Variants in PHC2 observed in about 807,000 individuals in gnomAD.
PHC2 encodes polyhomeotic homolog 2, also known as polyhomeotic-like protein 2.
PHC2 carries 29 observed loss-of-function variants against 87.4 expected under a neutral mutation model. The observed-to-expected ratio is 0.33, with a 90% CI of 0.25 to 0.45. The LOEUF (loss-of-function observed/expected upper bound fraction) is 0.45, where lower values mean the gene tolerates loss of function less well. Ranked by LOEUF, PHC2 falls within the 20% of genes least tolerant of loss-of-function variation. PHC2 has a pLI of 1.00. For missense variants in PHC2, 857 were observed against 1,136.7 expected, an observed-to-expected ratio of 0.75 and a Z score of 3.54; for synonymous variants, 438 against 461.7, an observed-to-expected ratio of 0.95 and a Z score of 0.66.
intron 2 of PHC2, 70 bp from the exon 3 acceptor site, chr1:33,372,517 C>G: frequency 7.3e-7 from 1 of 1,360,856 alleles, no homozygotes; most frequent in East Asian, 2.7e-5. Context: ...GGCAGTAATG[C>G]CTTGCCCACC....
intron 9 of PHC2, among the ~76,000 whole-genome samples, chr1:33,352,169 A>G (rs574080657): frequency 1.1e-4 from 17 of 152,312 alleles, no homozygotes; most frequent in African/African-American, 3.8e-4. Flanking sequence ...GGGTTTCTGG[A>G]TTACAAACAC....
At chr1:33,400,068 A>G (rs1189327523) in intron 1 of PHC2, among the ~76,000 whole-genome samples, 1 of 152,224 alleles carries the variant, frequency 6.6e-6, no homozygotes, top group Non-Finnish European at 1.5e-5. Flanking sequence ...AAGGATGTTT[A>G]ATCTCATTCA....
At chr1:33,419,014 T>C (rs1650321107) in intron 1 of PHC2, among the ~76,000 whole-genome samples, 1 of 152,220 alleles carries the variant, frequency 6.6e-6, no homozygotes, top group Non-Finnish European at 1.5e-5. Flanking sequence ...GGCCCCATTA[T>C]TTACTAACTG....
Position 33,358,649 on chromosome 1 carries a change from G to A in PHC2, c.977-3396C>T, listed in dbSNP as rs145507496. ...CAGATCTGATCTCTCACTAAAAACCGCCAGGGACTCTCCTTTGTCTACGGT... is the reference window on the plus strand; with the variant it reads ...CAGATCTGATCTCTCACTAAAAACCACCAGGGACTCTCCTTTGTCTACGGT... On this transcript the variant is annotated intron_variant, in intron 7 of 14. Coordinates refer to ENST00000683057, the MANE Select transcript of PHC2 (RefSeq NM_001385109.1). Among the ~76,000 whole-genome samples the A allele has an allele frequency of 4.6e-3, 705 of 152,218 alleles. 2 individuals carry two copies. Among genetic ancestry groups the A allele is most frequent in the African/African-American group, 0.016 (677 of 41,530 alleles).
intron 1 of PHC2, among the ~76,000 whole-genome samples, chr1:33,430,377 C>A (rs1557851921): frequency 6.6e-6 from 1 of 152,222 alleles, no homozygotes; most frequent in Non-Finnish European, 1.5e-5. Context: ...CAGCAACCCC[C>A]GGTTCCCTCT....
Position 33,417,748 on chromosome 1 carries a change from A to G in PHC2, c.-55+13228T>C, listed in dbSNP as rs115936554. On this transcript the variant is annotated intron_variant, in intron 1 of 14. Coordinates refer to ENST00000683057, the MANE Select transcript of PHC2 (RefSeq NM_001385109.1). ...TAGATGTAAAAATTAATACATATAT[A>G]AAAGACTTGAACAACACTACAAACC... Among the ~76,000 whole-genome samples the G allele has an allele frequency of 7.6e-3, 1,156 of 152,264 alleles. 12 individuals are homozygous for G. The highest frequency in any genetic ancestry group is 0.027 in the African/African-American group (1,109 of 41,588).
chr1:33,406,049 C>A (rs1649750088), intron 1 of PHC2, among the ~76,000 whole-genome samples: 1 of 152,034 alleles, frequency 6.6e-6, no homozygotes, highest in Non-Finnish European at 1.5e-5. Context: ...CTTACTGGGG[C>A]TTTTTGTCTG....
chr1:33,370,603 T>G lies in PHC2; in HGVS notation c.412-18A>C, dbSNP rs1205881989. ...AGGTTGATCTAATGAGAGAGACATG[T>G]GCGGTAGGAGATAGGAGGTTCTGTT... On this transcript the variant is annotated intron_variant, in intron 4 of 14. Transcript: ENST00000683057. 6.2e-7 allele frequency: 1 copy of G among 1,604,934 alleles called. No homozygotes were observed. Among genetic ancestry groups the G allele is most frequent in the Admixed American group, 1.7e-5 (1 of 59,384 alleles).
chr1:33,330,902 G>C (rs148916308), intron 12 of PHC2, among the ~76,000 whole-genome samples: 14 of 152,326 alleles, frequency 9.2e-5, no homozygotes, highest in Non-Finnish European at 1.9e-4. Flanking sequence ...TGAGATAATC[G>C]TATCAATTGA....
intron 1 of PHC2, among the ~76,000 whole-genome samples, chr1:33,424,918 C>T (rs1490950587): frequency 5.3e-5 from 8 of 152,132 alleles, no homozygotes; most frequent in Admixed American, 5.2e-4. Flanking sequence ...TCTGGGTGAT[C>T]AGAGGTCAGG....
intron 1 of PHC2, among the ~76,000 whole-genome samples, chr1:33,379,015 T>C (rs1648322271): frequency 6.6e-6 from 1 of 152,036 alleles, no homozygotes; most frequent in African/African-American, 2.4e-5. Context: ...TCTTTTTTCC[T>C]TTTGTAGCAG....
intron 4 of PHC2, among the ~76,000 whole-genome samples, chr1:33,370,813 G>C (rs376465207): frequency 1.1e-4 from 16 of 152,278 alleles, no homozygotes; most frequent in East Asian, 3.9e-4. Context: ...TATCCACAGA[G>C]AGCCCTGACA....
intron 1 of PHC2, among the ~76,000 whole-genome samples, chr1:33,419,888 C>G (rs1570516026): frequency 6.6e-6 from 1 of 151,656 alleles, no homozygotes; most frequent in African/African-American, 2.4e-5. Context: ...GGATTACAGG[C>G]GTGAGCCACC....
At chr1:33,326,530 A>G (rs1240290929) in intron 14 of PHC2, 1 of 152,268 alleles carries the variant, frequency 6.6e-6, no homozygotes, top group African/African-American at 2.4e-5. Flanking sequence ...CTTCAGAAGA[A>G]TACCAATGCA....
chr1:33,349,231 C>T lies in PHC2; in HGVS notation c.1558+5170G>A. On this transcript the variant is annotated intron_variant, in intron 9 of 14. Transcript: ENST00000683057. This position sits in a 1 kb window ranked among gnomAD's most constrained non-coding sequence, Gnocchi z 4.2. ...TAGGGAGTCCACCACCAATAAAGTACGGCAGATGCCAGCAGTCTCGTCCCC... is the reference window on the plus strand; with the variant it reads ...TAGGGAGTCCACCACCAATAAAGTATGGCAGATGCCAGCAGTCTCGTCCCC... 1.0e-6 allele frequency: 1 copy of T among 985,468 alleles called. No homozygotes were observed. Among genetic ancestry groups the T allele is most frequent in the Non-Finnish European group, 1.2e-6 (1 of 829,956 alleles). 61.0% of individuals were successfully genotyped at this position (985,468 alleles called of 1,614,324 possible). A position where few individuals can be genotyped will look rare whatever the true frequency, so the allele number is the denominator to read the frequency against.
chr1:33,325,308 C>T (rs879404249), intron 14 of PHC2: 6 of 323,596 alleles, frequency 1.9e-5, no homozygotes, highest in African/African-American at 8.5e-5. Flanking sequence ...GAAGTGACAG[C>T]GTGTGATTTC....
In PHC2 at chr1:33,349,323, G is replaced by A. The variant is rs1271061393; in HGVS notation, c.1558+5078C>T. The A allele has an allele frequency of 4.1e-6, 4 of 983,730 alleles. No homozygotes were observed. In the African/African-American group the frequency reaches 7.0e-5, roughly 17 times the overall value. The allele number at this position is 983,730 out of a possible 1,614,324, so 60.9% of individuals were successfully genotyped here. A position where few individuals can be genotyped will look rare whatever the true frequency, so the allele number is the denominator to read the frequency against. On this transcript the variant is annotated intron_variant, in intron 9 of 14. Coordinates refer to ENST00000683057, the MANE Select transcript of PHC2 (RefSeq NM_001385109.1). This position sits in a 1 kb window ranked among gnomAD's most constrained non-coding sequence, Gnocchi z 4.2. ...GCCGGTCCTAGGTTGGGGCTGGGGT[G>A]GGGTGTGCGGGGCCTGGGGACGCGG...
intron 12 of PHC2, among the ~76,000 whole-genome samples, chr1:33,330,483 C>T (rs555497811): frequency 2.0e-5 from 3 of 152,176 alleles, no homozygotes; most frequent in South Asian, 2.1e-4. Flanking sequence ...GTTTGAGACA[C>T]CTGGACTTGG....
intron 1 of PHC2, among the ~76,000 whole-genome samples, chr1:33,396,881 G>A (rs573884106): frequency 6.6e-6 from 1 of 152,336 alleles, no homozygotes; most frequent in South Asian, 2.1e-4. Flanking sequence ...CTCCCACACA[G>A]ACACAAGAGG....
Sources: gnomAD v4.1 joint callset for allele counts (sites outside exome capture counted in the v4.1 genomes callset) on GRCh38, gnomAD v4.1.1 for gene constraint, Gnocchi (gnomAD v3.1) non-coding constraint, MANE v1.5 for transcripts, NCBI Gene and HGNC (gene_info 2026-07-23, HGNC 2026-07-21) for gene names.